DAPK2: variants seen among roughly 807,000 people sequenced by gnomAD.
DAPK2 encodes the protein death-associated protein kinase 2.
DAPK2 carries 35 observed loss-of-function variants against 44.1 expected under a neutral mutation model. The observed-to-expected ratio is 0.79, with a 90% confidence interval of 0.61 to 1.05. The LOEUF (loss-of-function observed/expected upper bound fraction) is 1.05. Ranked by LOEUF, DAPK2 falls within the 50% of genes least tolerant of loss-of-function variation. The probability of loss-of-function intolerance (pLI) is 0.00; values close to 1 mark genes in which losing one functional copy is unlikely to be tolerated. For synonymous variants in DAPK2, 174 were observed against 182.6 expected, an observed-to-expected ratio of 0.95 and a Z score of 0.38; for missense variants, 453 against 483.2, an observed-to-expected ratio of 0.94 and a Z score of 0.59.
rs186947494 is a variant in DAPK2, at chr15:64,006,247, T to C, written c.93-22493A>G. Among the ~76,000 whole-genome samples, 156 of 152,222 alleles carry C rather than the reference T, an allele frequency of 1.0e-3. 1 individual carries two copies. The highest frequency in any genetic ancestry group is 3.6e-3 in the African/African-American group (149 of 41,530). On this transcript the variant is annotated intron_variant, in intron 1 of 10. Coordinates refer to ENST00000261891, the Ensembl canonical transcript of DAPK2. ...ATCCTTCCGCCACCAAAGCAGCACC[T>C]GCCACCAAGATGTGTAGCCACCTGA...
upstream of DAPK2, among the ~76,000 whole-genome samples, chr15:64,044,457 G>A (rs1000447955): frequency 1.3e-5 from 2 of 152,186 alleles, no homozygotes; most frequent in Non-Finnish European, 2.9e-5. Context: ...AGAATTCACT[G>A]TGAAACAGAA....
At chr15:63,925,018 T>C (rs2079200030) in intron 7 of DAPK2, among the ~76,000 whole-genome samples, 157 bp from the exon 9 acceptor site, 1 of 152,222 alleles carries the variant, frequency 6.6e-6, no homozygotes, top group South Asian at 2.1e-4. Context: ...GGGAGCTGGC[T>C]GCAAATCCTG....
At chr15:64,025,554 C>A (rs188211333) in intron 1 of DAPK2, among the ~76,000 whole-genome samples, 123 of 152,322 alleles carry the variant, frequency 8.1e-4, no homozygotes, top group Non-Finnish European at 4.6e-4. Context: ...ATCTTCACCC[C>A]AATTCCATCA....
chr15:63,947,492 G>A (rs11852673), intron 3 of DAPK2, among the ~76,000 whole-genome samples: 2,378 of 152,276 alleles, frequency 0.016, 62 homozygotes, highest in African/African-American at 0.055. Flanking sequence ...TGCTTTTGGA[G>A]AATATAGATA....
At chr15:63,911,827 G>A in intron 10 of DAPK2, 81 bp downstream of exon 11, 8 of 1,405,342 alleles carry the variant, frequency 5.7e-6, no homozygotes, top group Non-Finnish European at 7.9e-6. Context: ...CCTGCCTTGT[G>A]AGGGGAAAGG....
chr15:63,946,686 A>C (rs768550481), intron 3 of DAPK2, among the ~76,000 whole-genome samples: 9 of 152,122 alleles, frequency 5.9e-5, no homozygotes, highest in Non-Finnish European at 8.8e-5. Context: ...AGACATCAAG[A>C]AACTACCAAG....
At chr15:64,035,155 G>A (rs963838765) in intron 1 of DAPK2, among the ~76,000 whole-genome samples, 31 of 148,586 alleles carry the variant, frequency 2.1e-4, no homozygotes, top group Admixed American at 2.7e-4. Flanking sequence ...GCGACAGAAT[G>A]AGGCTCCATC....
At chr15:64,046,327 CCGCGGCAGG>C (rs1453071667), upstream of DAPK2, 48 of 952,178 alleles carry the variant, frequency 5.0e-5, no homozygotes, top group African/African-American at 7.3e-4. This position sits in a 1 kb window ranked among gnomAD's most constrained non-coding sequence, Gnocchi z 5.3. Flanking sequence ...GCGGTCGCGG[CCGCGGCAGG>C]CGCGGCGGGA....
intron 1 of DAPK2, among the ~76,000 whole-genome samples, chr15:64,016,361 T>A (rs972563202): frequency 5.9e-5 from 9 of 152,378 alleles, no homozygotes. Context: ...GAAATTGTTC[T>A]GGCTTTGGAG....
In DAPK2 at chr15:63,926,244, C is replaced by G. The variant is rs74353415; in HGVS notation, c.660-151G>C. 1.8e-3 allele frequency: 1,346 copies of G among 736,090 alleles called. 1 individual carries two copies. Among genetic ancestry groups the G allele is most frequent in the Non-Finnish European group, 2.7e-3 (1,217 of 455,386 alleles). 45.6% of individuals were successfully genotyped at this position (736,090 alleles called of 1,614,324 possible). A position where few individuals can be genotyped will look rare whatever the true frequency, so the allele number is the denominator to read the frequency against. On this transcript the variant is annotated intron_variant, in intron 6 of 10. Transcript: ENST00000261891. Reference sequence around the variant, plus strand: ...CCCCCTCTGGGCAGCCAACCAGCAGCCTGTTCAGCTAAGTCCAATTCAATA... The same window carrying G: ...CCCCCTCTGGGCAGCCAACCAGCAGGCTGTTCAGCTAAGTCCAATTCAATA...
chr15:63,948,665 C>A (rs2077512813), intron 3 of DAPK2, among the ~76,000 whole-genome samples: 1 of 152,196 alleles, frequency 6.6e-6, no homozygotes, highest in Admixed American at 6.5e-5. Context: ...TGGCTGAAGG[C>A]AGGGCCTGCT....
intron 3 of DAPK2, among the ~76,000 whole-genome samples, chr15:63,947,838 A>G (rs1240086637): frequency 1.3e-5 from 2 of 152,210 alleles, no homozygotes; most frequent in African/African-American, 4.8e-5. Context: ...CATCATTTGG[A>G]TATGCAGCCC....
intron 3 of DAPK2, among the ~76,000 whole-genome samples, chr15:63,965,172 C>T (rs1219572305): frequency 6.6e-6 from 1 of 152,236 alleles, no homozygotes; most frequent in Non-Finnish European, 1.5e-5. Context: ...TATTAGAGGA[C>T]ACCCCAAGCC....
At chr15:63,931,668 T>C (rs1309126608) in intron 4 of DAPK2, among the ~76,000 whole-genome samples, 1 of 151,934 alleles carries the variant, frequency 6.6e-6, no homozygotes. Context: ...AGGGGAGTGG[T>C]CCAGAGCCAT....
Position 64,035,316 on chromosome 15 carries a change from G to T in DAPK2, c.92+4854C>A, listed in dbSNP as rs2080149535. On this transcript the variant is annotated intron_variant, in intron 1 of 10. Transcript: ENST00000261891. ...TGTGGAAGTTCACAAAACCATCACTGGGCCTATCTACTAGCACCCTCCTCC... is the reference window on the plus strand; with the variant it reads ...TGTGGAAGTTCACAAAACCATCACTTGGCCTATCTACTAGCACCCTCCTCC... Among the ~76,000 whole-genome samples the T allele has an allele frequency of 2.6e-5, 4 of 152,086 alleles. No individual in the cohort carries two copies. In the South Asian group the frequency reaches 8.3e-4, roughly 32 times the overall value.
chr15:64,043,251 T>C (rs2080388422), upstream of DAPK2, among the ~76,000 whole-genome samples: 1 of 152,230 alleles, frequency 6.6e-6, no homozygotes. Context: ...GCAATTTCTT[T>C]GGACATATCT....
At chr15:63,911,724 T>G in intron 10 of DAPK2, 184 bp downstream of exon 11, 5 of 605,856 alleles carry the variant, frequency 8.3e-6, no homozygotes, top group South Asian at 4.2e-5. Flanking sequence ...CACCCAGAGG[T>G]CCCCAGAACA....
At chr15:63,920,317 G>C (rs2079037152) in intron 8 of DAPK2, 1 of 152,122 alleles carries the variant, frequency 6.6e-6, no homozygotes, top group Non-Finnish European at 1.5e-5. Context: ...CTCAGGGAAG[G>C]ATTTTTCACC....
At chr15:63,922,771 T>C (rs1250236137) in intron 8 of DAPK2, 21 of 1,533,334 alleles carry the variant, frequency 1.4e-5, no homozygotes, top group Non-Finnish European at 1.8e-5. Context: ...CCTCAGTGCA[T>C]GATCTGCTGA....
Sources: gnomAD v4.1 joint callset for allele counts (sites outside exome capture counted in the v4.1 genomes callset) on GRCh38, gnomAD v4.1.1 for gene constraint, Gnocchi (gnomAD v3.1) non-coding constraint, MANE v1.5 for transcripts, NCBI Gene and HGNC (gene_info 2026-07-23, HGNC 2026-07-21) for gene names.